The following KLHL29 variants were observed in gnomAD, a reference collection of about 807,000 sequenced individuals.
KLHL29 encodes the protein kelch like family member 29, also known as kelch-like protein 29.
KLHL29 carries 21 observed loss-of-function variants against 80.4 expected under a neutral mutation model. That is an observed-to-expected ratio of 0.26 (90% CI 0.19 to 0.38). The LOEUF is 0.38. Ranked by LOEUF, KLHL29 falls within the 10% of genes least tolerant of loss-of-function variation. The pLI, the probability that KLHL29 is intolerant of heterozygous loss-of-function variation, is 1.00. For synonymous variants in KLHL29, 511 were observed against 526.8 expected, an observed-to-expected ratio of 0.97 and a Z score of 0.41; for missense variants, 867 against 1,223.9, an observed-to-expected ratio of 0.71 and a Z score of 4.35.
At chr2:23,608,190 T>C (rs987201549) in intron 3 of KLHL29, among the ~76,000 whole-genome samples, 2 of 152,264 alleles carry the variant, frequency 1.3e-5, no homozygotes, top group Admixed American at 1.3e-4. Flanking sequence ...AGAAGTCATT[T>C]GGAGGAAGTT....
intron 1 of KLHL29, among the ~76,000 whole-genome samples, chr2:23,389,348 C>T (rs1666263759): frequency 1.3e-5 from 2 of 152,148 alleles, no homozygotes; most frequent in African/African-American, 4.8e-5. Context: ...AATATCAAGG[C>T]AAGCATTAGC....
chr2:23,394,435 A>G (rs1666398289), intron 1 of KLHL29, among the ~76,000 whole-genome samples: 1 of 152,130 alleles, frequency 6.6e-6, no homozygotes, highest in African/African-American at 2.4e-5. Flanking sequence ...GTGACTTCAC[A>G]GTGGTGGTAT....
chr2:23,658,496 C>T (rs981466103), intron 5 of KLHL29, among the ~76,000 whole-genome samples: 1 of 152,202 alleles, frequency 6.6e-6, no homozygotes. Flanking sequence ...ACAGGCCCCA[C>T]GTCCCCTTGA....
At chr2:23,589,550 C>G (rs1476731465) in intron 3 of KLHL29, among the ~76,000 whole-genome samples, 1 of 152,204 alleles carries the variant, frequency 6.6e-6, no homozygotes, top group Non-Finnish European at 1.5e-5. Flanking sequence ...TGCAGGTTGC[C>G]TTTTCAGTGG....
intron 3 of KLHL29, among the ~76,000 whole-genome samples, chr2:23,589,471 G>C (rs1302788014): frequency 2.0e-5 from 3 of 152,150 alleles, no homozygotes; most frequent in Non-Finnish European, 4.4e-5. Context: ...CCGGAATCCC[G>C]CCACCCACCC....
At chr2:23,496,071 C>T (rs1369346848) in intron 2 of KLHL29, among the ~76,000 whole-genome samples, 2 of 152,204 alleles carry the variant, frequency 1.3e-5, no homozygotes, top group African/African-American at 2.4e-5. Context: ...CATGGCCACC[C>T]GTGTGTCCTT....
intron 13 of KLHL29, among the ~76,000 whole-genome samples, chr2:23,704,834 C>CT (rs1279575950): frequency 6.6e-6 from 1 of 152,244 alleles, no homozygotes; most frequent in Non-Finnish European, 1.5e-5. Flanking sequence ...CTGAAGACAT[C>CT]TTGTGCCTAT....
intron 3 of KLHL29, among the ~76,000 whole-genome samples, chr2:23,636,585 T>C (rs1669616990): frequency 6.6e-6 from 1 of 152,106 alleles, no homozygotes; most frequent in Admixed American, 6.6e-5. Context: ...CCTCGAGCTG[T>C]TCATATATTG....
chr2:23,385,975 G>C (rs1005218484), intron 1 of KLHL29, among the ~76,000 whole-genome samples, 195 bp downstream of exon 1: 14 of 152,024 alleles, frequency 9.2e-5, no homozygotes, highest in Admixed American at 2.0e-4. Flanking sequence ...GAGCCCTTGC[G>C]CCTGCGCTGC....
At chr2:23,587,910 A>T (rs1253093534) in intron 3 of KLHL29, among the ~76,000 whole-genome samples, 3 of 152,212 alleles carry the variant, frequency 2.0e-5, no homozygotes, top group Non-Finnish European at 4.4e-5. Context: ...AGGCTAGGGA[A>T]GGAATGGCCT....
In KLHL29 at chr2:23,629,570, G is replaced by C. The variant is rs7571157; in HGVS notation, c.286-9569G>C. Among the ~76,000 whole-genome samples the C allele has an allele frequency of 2.2e-4, 34 of 152,300 alleles. 1 individual carries two copies. The highest frequency in any genetic ancestry group is 7.7e-4 in the African/African-American group (32 of 41,570). ...GTCCACAAGGCCCATCCACTGGGAG[G>C]GGGGCTTGGAGGAAGGGGCTGGGGG... On this transcript the variant is annotated intron_variant, in intron 3 of 13. Transcript: ENST00000486442.
At chr2:23,454,675 G>T (rs1011248224) in intron 1 of KLHL29, among the ~76,000 whole-genome samples, 2 of 152,006 alleles carry the variant, frequency 1.3e-5, no homozygotes, top group African/African-American at 4.8e-5. Flanking sequence ...TATTTCATTT[G>T]CACAGTCTCT....
At chr2:23,679,611 G>T (rs1671018184) in intron 5 of KLHL29, among the ~76,000 whole-genome samples, 3 of 142,344 alleles carry the variant, frequency 2.1e-5, no homozygotes, top group Admixed American at 2.1e-4. Context: ...CATCACACCA[G>T]ATATATATAT....
rs59785068 is a variant in KLHL29, at chr2:23,391,083, C to T, written c.-154+5303C>T. On this transcript the variant is annotated intron_variant, in intron 1 of 13. Transcript: ENST00000486442. ...CCTACCTCCCTCAGCCCCTGGCATC[C>T]GCCATTCTACTTCCTGTTTATACAT... Among the ~76,000 whole-genome samples, 1,297 of 152,302 alleles carry T rather than the reference C, an allele frequency of 8.5e-3. 20 individuals carry two copies. Among genetic ancestry groups the T allele is most frequent in the African/African-American group, 0.03 (1,237 of 41,564 alleles).
chr2:23,522,616 G>A (rs934705877), intron 2 of KLHL29, among the ~76,000 whole-genome samples: 2 of 152,140 alleles, frequency 1.3e-5, no homozygotes, highest in African/African-American at 2.4e-5. Flanking sequence ...GGGGTGGGAA[G>A]GTGAGGCGGG....
At chr2:23,683,846 C>G (rs1283921629) in intron 5 of KLHL29, among the ~76,000 whole-genome samples, 20 of 152,102 alleles carry the variant, frequency 1.3e-4, no homozygotes, top group Admixed American at 1.3e-3. Flanking sequence ...GCCAGGCCTC[C>G]CATGGCCCCC....
chr2:23,459,332 G>C (rs1664145847), intron 1 of KLHL29, among the ~76,000 whole-genome samples: 1 of 152,180 alleles, frequency 6.6e-6, no homozygotes, highest in African/African-American at 2.4e-5. Flanking sequence ...CCGGAGCTCA[G>C]AGGAGAGGTG....
chr2:23,482,360 A>T (rs1211895363), intron 2 of KLHL29, among the ~76,000 whole-genome samples: 2 of 152,248 alleles, frequency 1.3e-5, no homozygotes, highest in Admixed American at 6.5e-5. Flanking sequence ...GCACCTGCTC[A>T]GGTGGCTGCG....
intron 5 of KLHL29, among the ~76,000 whole-genome samples, chr2:23,653,723 T>C (rs553795892): frequency 6.6e-6 from 1 of 152,222 alleles, no homozygotes; most frequent in East Asian, 1.9e-4. Context: ...CCCCACCCCA[T>C]CACTTCCCAT....
Sources: allele counts gnomAD v4.1 joint callset (sites outside exome capture counted in the v4.1 genomes callset), GRCh38; gene constraint gnomAD v4.1.1; transcripts MANE v1.5; gene names NCBI Gene and HGNC (gene_info 2026-07-23, HGNC 2026-07-21).